The following MICU3 variants were observed in gnomAD, a reference collection of about 807,000 sequenced individuals.
MICU3 encodes the protein mitochondrial calcium uptake 3.
A neutral mutation model predicts 66.5 loss-of-function variants in MICU3; 62 were observed. The ratio of observed to expected loss-of-function variants is 0.93; its 90% CI spans 0.76 to 1.15. The LOEUF (loss-of-function observed/expected upper bound fraction) is 1.15. Ranked by LOEUF, MICU3 falls within the 50% of genes most tolerant of loss-of-function variation. MICU3 has a pLI of 0.00. For missense variants in MICU3, 779 were observed against 664.4 expected, an observed-to-expected ratio of 1.17 and a Z score of -1.90; for synonymous variants, 308 against 240.7, an observed-to-expected ratio of 1.28 and a Z score of -2.59.
intron 1 of MICU3, among the ~76,000 whole-genome samples, chr8:17,059,619 T>G (rs1817520990): frequency 6.6e-6 from 1 of 152,090 alleles, no homozygotes; most frequent in Admixed American, 6.5e-5. Flanking sequence ...AGAAAAAAGT[T>G]TAGTGAAGGA....
At chr8:17,114,070 T>G in intron 11 of MICU3, 23 bp from the exon 12 acceptor site, 1 of 1,512,114 alleles carries the variant, frequency 6.6e-7, no homozygotes. Flanking sequence ...CTAAATGTAT[T>G]TTCATTTCCT....
chr8:17,098,755 T>A lies in MICU3; in HGVS notation c.984+202T>A, dbSNP rs1441535449. 8.6e-5 allele frequency among the ~76,000 whole-genome samples: 13 copies of A among 150,584 alleles called. No individual in the cohort carries two copies. The Middle Eastern group carries it at 0.01, about 118-fold the overall frequency. ...GAACTTAATTAAAAGGAAATGGCAT[T>A]TTTTTTAACTTAAGGATCACTTTCT... On this transcript the variant is annotated intron_variant, in intron 9 of 14. Transcript: ENST00000318063.
At chr8:17,110,067 T>C (rs534770918) in intron 11 of MICU3, among the ~76,000 whole-genome samples, 72 of 152,308 alleles carry the variant, frequency 4.7e-4, no homozygotes, top group Non-Finnish European at 9.0e-4. Flanking sequence ...CAGTATATAT[T>C]GTGGCATAAT....
At chr8:17,045,635 G>T (rs550638702) in intron 1 of MICU3, among the ~76,000 whole-genome samples, 1 of 152,326 alleles carries the variant, frequency 6.6e-6, no homozygotes, top group African/African-American at 2.4e-5. Flanking sequence ...GAAGCTGCAT[G>T]CCCCTTTCCC....
At chr8:17,091,989 T>C (rs912488205) in intron 8 of MICU3, among the ~76,000 whole-genome samples, 1 of 152,054 alleles carries the variant, frequency 6.6e-6, no homozygotes, top group Non-Finnish European at 1.5e-5. Flanking sequence ...GTGATTCTTC[T>C]GCCTCAGCCT....
chr8:17,093,556 A>C (rs1306714951), intron 8 of MICU3, among the ~76,000 whole-genome samples: 1 of 151,846 alleles, frequency 6.6e-6, no homozygotes, highest in Non-Finnish European at 1.5e-5. Context: ...TGTCTGCTTG[A>C]TTTGTCAATT....
At chr8:17,124,307 C>T (rs1181952352), downstream of MICU3, among the ~76,000 whole-genome samples, 1 of 151,868 alleles carries the variant, frequency 6.6e-6, no homozygotes, top group Non-Finnish European at 1.5e-5. Context: ...TTGCAGTTTG[C>T]TTGTTTGTCT....
chr8:17,071,564 G>C (rs1426631833), intron 3 of MICU3, among the ~76,000 whole-genome samples: 1 of 151,982 alleles, frequency 6.6e-6, no homozygotes, highest in Non-Finnish European at 1.5e-5. Context: ...CATATGAATC[G>C]GGGAGAGGGG....
At chr8:17,110,001 A>G (rs1007179595) in intron 11 of MICU3, among the ~76,000 whole-genome samples, 4 of 152,288 alleles carry the variant, frequency 2.6e-5, no homozygotes, top group African/African-American at 9.6e-5. Flanking sequence ...ACTCACTTAT[A>G]TTTCTAAAAG....
chr8:17,031,452 A>AT (rs1181052031), intron 1 of MICU3, among the ~76,000 whole-genome samples: 4 of 150,626 alleles, frequency 2.7e-5, no homozygotes, highest in African/African-American at 7.3e-5. Context: ...TGACCAGCTA[A>AT]TTTTTTTTGT....
chr8:17,117,497 T>A (rs1480796011), intron 13 of MICU3, among the ~76,000 whole-genome samples: 2 of 152,076 alleles, frequency 1.3e-5, no homozygotes, highest in Non-Finnish European at 2.9e-5. Context: ...TGTACATATC[T>A]AACATATTAT....
chr8:17,052,717 C>T (rs1481550321), intron 1 of MICU3, among the ~76,000 whole-genome samples: 1 of 152,122 alleles, frequency 6.6e-6, no homozygotes, highest in East Asian at 1.9e-4. Context: ...TTGGGATTTT[C>T]CCACACTGGG....
the MICU3 span, among the ~76,000 whole-genome samples, chr8:17,137,980 G>C: frequency 6.6e-6 from 1 of 151,940 alleles, no homozygotes; most frequent in Non-Finnish European, 1.5e-5. Flanking sequence ...CTTCCAAAGT[G>C]CTGGGATTAC....
Position 17,121,557 on chromosome 8 carries a change from TCTTC to T in MICU3, c.*1274_*1277del, listed in dbSNP as rs1227350744. ...TGCATATGGAAGATAAGTTCATTTA[TCTTC>T]CTTTCTAAGACATATTTAATGTAGG... On this transcript the variant is annotated 3_prime_UTR_variant, in exon 15 of 15. Transcript: ENST00000318063. 6.6e-6 allele frequency: 1 copy of T among 152,262 alleles called. No homozygotes were observed. The highest frequency in any genetic ancestry group is 1.5e-5 in the Non-Finnish European group (1 of 67,758). The allele number at this position is 152,262 out of a possible 1,614,324, so 9.4% of individuals were successfully genotyped here.
rs141114279 is a variant in MICU3, at chr8:17,058,146, C to T, written c.382-5938C>T. ...TTGACTTTTGACATATTACACTTAG[C>T]GACAAGTTTTTACTGCATTGGCAAT... On this transcript the variant is annotated intron_variant, in intron 1 of 14. Transcript: ENST00000318063. Among the ~76,000 whole-genome samples, 132 of 152,202 alleles carry T rather than the reference C, an allele frequency of 8.7e-4. 2 individuals carry two copies. The highest frequency in any genetic ancestry group is 2.8e-3 in the African/African-American group (118 of 41,536).
chr8:17,131,697 G>C, the MICU3 span: 2 of 152,446 alleles, frequency 1.3e-5, no homozygotes, highest in African/African-American at 2.4e-5. Context: ...TAAGCATGCA[G>C]GGGAGGGTGG....
intron 8 of MICU3, among the ~76,000 whole-genome samples, chr8:17,098,003 A>G (rs1800896121): frequency 6.6e-6 from 1 of 151,054 alleles, no homozygotes; most frequent in South Asian, 2.1e-4. Context: ...TCTGTAAAGT[A>G]TAGATAAAGT....
Position 17,079,191 on chromosome 8 carries a change from A to G in MICU3, c.646+1330A>G, listed in dbSNP as rs116393220. ...GGGATAGAATCTATGCTGCACCACT[A>G]TGACGGAAATACTCTGTTTCTATGC... On this transcript the variant is annotated intron_variant, in intron 4 of 14. Transcript: ENST00000318063. Among the ~76,000 whole-genome samples, 247 of 149,750 alleles carry G rather than the reference A, an allele frequency of 1.6e-3. 1 individual carries two copies. The highest frequency in any genetic ancestry group is 5.4e-3 in the African/African-American group (220 of 40,396).
At chr8:17,075,632 G>T (rs1820271870) in intron 3 of MICU3, among the ~76,000 whole-genome samples, 1 of 152,136 alleles carries the variant, frequency 6.6e-6, no homozygotes, top group Non-Finnish European at 1.5e-5. Flanking sequence ...AAGTCAAGAT[G>T]AATGTGTTGA....
Sources: allele counts gnomAD v4.1 joint callset (sites outside exome capture counted in the v4.1 genomes callset), GRCh38; gene constraint gnomAD v4.1.1; transcripts MANE v1.5; gene names NCBI Gene and HGNC (gene_info 2026-07-23, HGNC 2026-07-21).